Variants in CMSS1 observed in about 807,000 individuals in gnomAD.
CMSS1 encodes cms1 ribosomal small subunit homolog.
A neutral mutation model predicts 43.5 loss-of-function variants in CMSS1; 33 were observed. That is an observed-to-expected ratio of 0.76 (90% CI 0.57 to 1.01). The LOEUF (loss-of-function observed/expected upper bound fraction) is 1.01. CMSS1 is among the 50% of genes least tolerant of loss of function. The pLI is 0.00. For synonymous variants in CMSS1, 115 were observed against 117.2 expected (o/e 0.98, Z 0.12); for missense variants, 313 against 326.4 (o/e 0.96, Z 0.32).
At chr3:100,155,303 A>G (rs1233250428) in intron 2 of CMSS1, among the ~76,000 whole-genome samples, 2 of 152,100 alleles carry the variant, frequency 1.3e-5, no homozygotes, top group African/African-American at 2.4e-5. Context: ...AGCTATAACC[A>G]TCCCTCCTTT....
chr3:99,932,822 C>T (rs1175878431), intron 1 of CMSS1, among the ~76,000 whole-genome samples: 1 of 152,114 alleles, frequency 6.6e-6, no homozygotes, highest in African/African-American at 2.4e-5. Flanking sequence ...ACACAGGAGG[C>T]CGAGGTTGCA....
At chr3:100,073,219 T>C (rs1003556737) in intron 1 of CMSS1, among the ~76,000 whole-genome samples, 1 of 152,126 alleles carries the variant, frequency 6.6e-6, no homozygotes, top group Non-Finnish European at 1.5e-5. Flanking sequence ...ATAAATAAAG[T>C]TTTATTGGAA....
intron 1 of CMSS1, among the ~76,000 whole-genome samples, chr3:100,046,882 G>A (rs1443721545): frequency 6.6e-6 from 1 of 152,088 alleles, no homozygotes; most frequent in East Asian, 1.9e-4. Flanking sequence ...ATTTTCCATG[G>A]TTCAGGACTA....
intron 1 of CMSS1, among the ~76,000 whole-genome samples, chr3:100,036,188 G>A (rs2065104044): frequency 6.6e-6 from 1 of 152,128 alleles, no homozygotes; most frequent in Non-Finnish European, 1.5e-5. Context: ...CAACTAAAAA[G>A]GTCTAGAATC....
intron 1 of CMSS1, among the ~76,000 whole-genome samples, chr3:99,963,863 G>A (rs1175509842): frequency 6.6e-6 from 1 of 152,042 alleles, no homozygotes; most frequent in East Asian, 1.9e-4. Context: ...TGATCTGCCT[G>A]CCTCAGCCTC....
chr3:100,087,426 C>T (rs6762871), intron 1 of CMSS1, among the ~76,000 whole-genome samples: 1,798 of 152,182 alleles, frequency 0.012, 23 homozygotes, highest in African/African-American at 0.026. Context: ...TTTTGTTTTT[C>T]TGGTCATTCT....
Position 99,927,991 on chromosome 3 carries a change from A to G in CMSS1, c.64+109948A>G, listed in dbSNP as rs146849777. 7.7e-3 allele frequency among the ~76,000 whole-genome samples: 1,169 copies of G among 152,340 alleles called. 20 individuals carry two copies. The highest frequency in any genetic ancestry group is 0.026 in the African/African-American group (1,078 of 41,576). On this transcript the variant is annotated intron_variant, in intron 1 of 9. Transcript: ENST00000421999. ...AGATAAATCACCTCTAGTTTACCCTAGACATGATTGAGATTTTTTAGGTTT... is the reference window on the plus strand; with the variant it reads ...AGATAAATCACCTCTAGTTTACCCTGGACATGATTGAGATTTTTTAGGTTT...
intron 1 of CMSS1, among the ~76,000 whole-genome samples, chr3:99,846,529 T>G (rs906330391): frequency 1.3e-5 from 2 of 152,224 alleles, no homozygotes; most frequent in African/African-American, 4.8e-5. Context: ...TAGACCATCA[T>G]GTATTTTGTA....
At chr3:99,869,193 T>C (rs938836803) in intron 1 of CMSS1, among the ~76,000 whole-genome samples, 1 of 152,216 alleles carries the variant, frequency 6.6e-6, no homozygotes, top group African/African-American at 2.4e-5. Context: ...AAGAATTCAC[T>C]TGGAGACAAA....
At chr3:99,969,958 C>G (rs925173406) in intron 1 of CMSS1, among the ~76,000 whole-genome samples, 1 of 152,100 alleles carries the variant, frequency 6.6e-6, no homozygotes, top group Non-Finnish European at 1.5e-5. Context: ...TGAAATTCAA[C>G]AAATGAGGCT....
chr3:100,106,781 A>G (rs2066402948), intron 1 of CMSS1, among the ~76,000 whole-genome samples: 1 of 152,060 alleles, frequency 6.6e-6, no homozygotes, highest in Non-Finnish European at 1.5e-5. Flanking sequence ...TGGTTGTACT[A>G]CTCCTAACCT....
At chr3:99,849,414 T>A in intron 1 of CMSS1, 1 of 1,614,200 alleles carries the variant, frequency 6.2e-7, no homozygotes, top group South Asian at 1.1e-5. Flanking sequence ...TGTTCCTGTT[T>A]TCTTGTTGAT....
intron 1 of CMSS1, chr3:99,848,760 G>A: frequency 6.2e-7 from 1 of 1,614,210 alleles, no homozygotes; most frequent in Non-Finnish European, 8.5e-7. Flanking sequence ...TTGGGGACAT[G>A]CCTTGTTCTA....
chr3:99,919,564 G>A (rs924167468), intron 1 of CMSS1, among the ~76,000 whole-genome samples: 1 of 151,768 alleles, frequency 6.6e-6, no homozygotes, highest in African/African-American at 2.4e-5. Flanking sequence ...ACTCATTCAT[G>A]TATGTATTTC....
chr3:99,919,711 C>G (rs1707063992), intron 1 of CMSS1, among the ~76,000 whole-genome samples: 2 of 151,878 alleles, frequency 1.3e-5, no homozygotes. Flanking sequence ...CTGATGCAGT[C>G]TGGAAAAATA....
chr3:100,135,517 A>G (rs2066746431), intron 1 of CMSS1, among the ~76,000 whole-genome samples: 2 of 148,000 alleles, frequency 1.4e-5, no homozygotes, highest in South Asian at 4.3e-4. Flanking sequence ...TTGCTCTGTC[A>G]CCCAGGCCTG....
intron 1 of CMSS1, among the ~76,000 whole-genome samples, chr3:100,014,858 T>G (rs1710275948): frequency 6.7e-6 from 1 of 148,686 alleles, no homozygotes; most frequent in Non-Finnish European, 1.5e-5. Context: ...TGCAACACCA[T>G]TTGTCTTTTT....
intron 1 of CMSS1, among the ~76,000 whole-genome samples, chr3:100,090,062 A>T (rs1339011627): frequency 2.6e-5 from 4 of 152,178 alleles, no homozygotes; most frequent in Non-Finnish European, 2.9e-5. Context: ...AACTTCACTG[A>T]TGTTTATCTC....
At chr3:99,927,213 A>G (rs1326685399) in intron 1 of CMSS1, among the ~76,000 whole-genome samples, 2 of 152,240 alleles carry the variant, frequency 1.3e-5, no homozygotes, top group African/African-American at 4.8e-5. Flanking sequence ...TTTTCAATAC[A>G]TATTAACTAA....
Sources: gnomAD v4.1 joint callset for allele counts (sites outside exome capture counted in the v4.1 genomes callset) on GRCh38, gnomAD v4.1.1 for gene constraint, MANE v1.5 for transcripts, NCBI Gene and HGNC (gene_info 2026-07-23, HGNC 2026-07-21) for gene names.